The following OPCML variants were observed in gnomAD, a reference collection of about 807,000 sequenced individuals.
The protein encoded by OPCML is opioid binding protein/cell adhesion molecule like.
In OPCML, 13 loss-of-function variants were observed where a neutral mutation model predicts 37.8. The ratio of observed to expected loss-of-function variants is 0.34; its 90% CI spans 0.22 to 0.55. The LOEUF (loss-of-function observed/expected upper bound fraction) is 0.55, where lower values mean the gene tolerates loss of function less well. Among genes scored for constraint, OPCML ranks in the 20% least tolerant of loss-of-function variants. The pLI is 0.91. For missense variants in OPCML, 341 were observed against 435.6 expected (o/e 0.78, Z 1.93); for synonymous variants, 176 against 168.8 (o/e 1.04, Z -0.33).
At chr11:132,485,818 C>A (rs1485014119) in intron 4 of OPCML, among the ~76,000 whole-genome samples, 3 of 152,196 alleles carry the variant, frequency 2.0e-5, no homozygotes, top group Admixed American at 1.3e-4. Flanking sequence ...TCCATGTACC[C>A]TGTTTCCCTG....
chr11:132,868,977 T>A (rs1025901843), intron 2 of OPCML, among the ~76,000 whole-genome samples: 32 of 152,108 alleles, frequency 2.1e-4, no homozygotes, highest in African/African-American at 7.7e-4. Context: ...GGAGAAGCTG[T>A]GGGGAACGTG....
chr11:133,391,765 C>T (rs187057140), intron 1 of OPCML, among the ~76,000 whole-genome samples: 120 of 152,292 alleles, frequency 7.9e-4, no homozygotes, highest in African/African-American at 2.8e-3. Context: ...ATGCTTATCA[C>T]GTGTCAGACC....
In OPCML at chr11:132,688,823, G is replaced by A. The variant is rs1337106812; in HGVS notation, c.147-31504C>T. Among the ~76,000 whole-genome samples, 40 of 92,138 alleles carry A rather than the reference G, an allele frequency of 4.3e-4. 13 individuals are homozygous for A. The highest frequency in any genetic ancestry group is 7.4e-4 in the South Asian group (2 of 2,706). The allele number at this position is 92,138 out of a possible 152,430, so 60.4% of individuals were successfully genotyped here. ...AAATTAGCCGGGCGCGGTGGCGGGC[G>A]CCTGTAGTCCCAGCTACTCGGGAGG... On this transcript the variant is annotated intron_variant, in intron 2 of 7. Transcript: ENST00000524381.
intron 1 of OPCML, among the ~76,000 whole-genome samples, chr11:133,000,894 C>A (rs77243850): frequency 0.047 from 7,125 of 152,216 alleles, 228 homozygotes; most frequent in Middle Eastern, 0.085. Flanking sequence ...GTGAGTCCTT[C>A]TCGTATGGTT....
intron 2 of OPCML, among the ~76,000 whole-genome samples, chr11:132,666,836 T>C (rs1042677226): frequency 1.3e-5 from 2 of 152,188 alleles, no homozygotes; most frequent in Non-Finnish European, 2.9e-5. Flanking sequence ...GGTAGACATC[T>C]CCATGGTAAA....
At chr11:132,745,063 C>A (rs1945570146) in intron 2 of OPCML, among the ~76,000 whole-genome samples, 1 of 152,186 alleles carries the variant, frequency 6.6e-6, no homozygotes, top group African/African-American at 2.4e-5. Flanking sequence ...CAGTCTTTTT[C>A]ACGCTCTCAC....
At chr11:132,905,938 C>T (rs1055088567) in intron 2 of OPCML, among the ~76,000 whole-genome samples, 1 of 152,162 alleles carries the variant, frequency 6.6e-6, no homozygotes, top group Non-Finnish European at 1.5e-5. Flanking sequence ...TGATGCATGT[C>T]TTAGCATTCA....
chr11:133,336,284 C>T (rs1349421598), intron 1 of OPCML, among the ~76,000 whole-genome samples: 1 of 151,928 alleles, frequency 6.6e-6, no homozygotes, highest in Non-Finnish European at 1.5e-5. Flanking sequence ...GTATGAGACT[C>T]AGAGGCCAGG....
At chr11:132,939,440 A>T (rs1027873254) in intron 2 of OPCML, among the ~76,000 whole-genome samples, 1 of 152,258 alleles carries the variant, frequency 6.6e-6, no homozygotes, top group Non-Finnish European at 1.5e-5. Flanking sequence ...AGCCTGGATC[A>T]ACAAAACTGA....
chr11:132,663,282 T>C (rs1261001852), intron 2 of OPCML, among the ~76,000 whole-genome samples: 5 of 152,148 alleles, frequency 3.3e-5, no homozygotes, highest in African/African-American at 1.2e-4. Context: ...TGATAAAAGG[T>C]GTAAGACAAT....
rs182875800 is a variant in OPCML at position 133,147,916 on chromosome 11, G to A, written c.62-204906C>T. ...CTCAAAATTGCCCCGTTTACTGCCC[G>A]TCCTGCAGTTGTTACTCAGCGAACG... On this transcript the variant is annotated intron_variant, in intron 1 of 7. Coordinates refer to ENST00000524381, the MANE Select transcript of OPCML (RefSeq NM_001012393.5). 1.2e-4 allele frequency among the ~76,000 whole-genome samples: 18 copies of A among 152,236 alleles called. No individual in the cohort carries two copies. The East Asian group carries it at 2.1e-3, about 18-fold the overall frequency.
chr11:132,502,579 C>A (rs761435662), intron 4 of OPCML, among the ~76,000 whole-genome samples: 2 of 152,128 alleles, frequency 1.3e-5, no homozygotes, highest in Non-Finnish European at 2.9e-5. Context: ...ATAATGTCAG[C>A]AGCTCAGGGG....
chr11:133,388,032 G>A (rs1945093610), intron 1 of OPCML, among the ~76,000 whole-genome samples: 2 of 152,158 alleles, frequency 1.3e-5, no homozygotes, highest in South Asian at 2.1e-4. Context: ...CAGATCGTAT[G>A]GGGCCCTTGA....
intron 1 of OPCML, among the ~76,000 whole-genome samples, chr11:133,203,247 A>T (rs1938880882): frequency 1.3e-5 from 2 of 152,348 alleles, no homozygotes; most frequent in Admixed American, 6.5e-5. Flanking sequence ...AGGTTTGCTC[A>T]TCTGAAACCG....
chr11:132,943,174 C>CAA lies in OPCML; in HGVS notation c.62-165_62-164insTT. 2 of 1,594,198 alleles carry CAA rather than the reference C, an allele frequency of 1.3e-6. No individual in the cohort carries two copies. Among genetic ancestry groups the CAA allele is most frequent in the Non-Finnish European group, 1.7e-6 (2 of 1,166,500 alleles). ...CCCGCGCACCAGCGGGCTCGGGAAG[C>CAA]GGTGCGGGGAGGAGGGAAGGGGCAG... On this transcript the variant is annotated intron_variant, in intron 1 of 7. Coordinates refer to ENST00000524381, the MANE Select transcript of OPCML (RefSeq NM_001012393.5). The surrounding 1 kb of genome is among the most constrained non-coding windows in gnomAD (Gnocchi z 4.3).
intron 3 of OPCML, among the ~76,000 whole-genome samples, chr11:132,651,482 G>A (rs1359838440): frequency 2.6e-5 from 4 of 152,194 alleles, no homozygotes; most frequent in Non-Finnish European, 1.5e-5. Context: ...GTCTAGTGAA[G>A]GGGATTTAAA....
At chr11:132,748,547 A>G (rs575234207) in intron 2 of OPCML, among the ~76,000 whole-genome samples, 1 of 152,162 alleles carries the variant, frequency 6.6e-6, no homozygotes, top group Admixed American at 6.5e-5. Context: ...AAGGAGCCTG[A>G]GTGTGGCCTG....
At chr11:133,096,346 T>A (rs1565445244) in intron 1 of OPCML, among the ~76,000 whole-genome samples, 1 of 151,804 alleles carries the variant, frequency 6.6e-6, no homozygotes, top group East Asian at 1.9e-4. Flanking sequence ...GGGCAACCAC[T>A]AAAAAAATGG....
chr11:133,429,821 A>G (rs950080203), intron 1 of OPCML, among the ~76,000 whole-genome samples: 2 of 152,228 alleles, frequency 1.3e-5, no homozygotes, highest in African/African-American at 2.4e-5. Flanking sequence ...CACATCTAGC[A>G]TGCTCATTTA....
Sources: allele counts gnomAD v4.1 joint callset (sites outside exome capture counted in the v4.1 genomes callset), GRCh38; gene constraint gnomAD v4.1.1; non-coding constraint Gnocchi (gnomAD v3.1); transcripts MANE v1.5; gene names NCBI Gene and HGNC (gene_info 2026-07-23, HGNC 2026-07-21).